Variants in PTPRD observed in about 807,000 individuals in gnomAD.
The protein encoded by PTPRD is protein tyrosine phosphatase receptor type D.
Under a neutral mutation model 214.5 loss-of-function variants are expected in PTPRD, and 34 were observed. The observed-to-expected ratio is 0.16, with a 90% CI of 0.12 to 0.21. The LOEUF is 0.21. Ranked by LOEUF, PTPRD falls within the 10% of genes least tolerant of loss-of-function variation. The pLI, the probability that PTPRD is intolerant of heterozygous loss-of-function variation, is 1.00. For missense variants in PTPRD, 2,545 were observed against 2,398.7 expected (o/e 1.06, Z -1.27); for synonymous variants, 1,128 against 845.7 (o/e 1.33, Z -5.79).
At chr9:8,843,904 T>C (rs2097626842) in intron 11 of PTPRD, among the ~76,000 whole-genome samples, 1 of 152,154 alleles carries the variant, frequency 6.6e-6, no homozygotes, top group Non-Finnish European at 1.5e-5. Context: ...TTTGGGATCT[T>C]AGGTTCCTCA....
intron 3 of PTPRD, among the ~76,000 whole-genome samples, chr9:10,162,896 G>C (rs964039396): frequency 6.7e-6 from 1 of 150,076 alleles, no homozygotes; most frequent in African/African-American, 2.4e-5. Flanking sequence ...TCTTTAGCCA[G>C]TACTTCAGGG....
At chr9:8,648,408 C>T (rs79019250) in intron 12 of PTPRD, among the ~76,000 whole-genome samples, 1 of 152,292 alleles carries the variant, frequency 6.6e-6, no homozygotes, top group Non-Finnish European at 1.5e-5. Flanking sequence ...GGTTTAGTGA[C>T]ATAAATTTCA....
chr9:9,414,028 G>C (rs1244044155), intron 8 of PTPRD, among the ~76,000 whole-genome samples: 4 of 152,164 alleles, frequency 2.6e-5, no homozygotes, highest in Admixed American at 1.3e-4. Flanking sequence ...TTAGAAATGA[G>C]TATTGCATAG....
intron 35 of PTPRD, among the ~76,000 whole-genome samples, chr9:8,409,891 T>C (rs2093370673): frequency 6.6e-6 from 1 of 152,204 alleles, no homozygotes; most frequent in African/African-American, 2.4e-5. Flanking sequence ...AGACTAACCA[T>C]TCTTTTTACA....
chr9:8,676,755 G>C (rs917018924), intron 12 of PTPRD, among the ~76,000 whole-genome samples: 1 of 152,076 alleles, frequency 6.6e-6, no homozygotes, highest in African/African-American at 2.4e-5. Context: ...TGTATTTTTA[G>C]TAGAGACAGG....
chr9:9,627,914 A>G (rs1339698218), intron 7 of PTPRD, among the ~76,000 whole-genome samples: 1 of 152,164 alleles, frequency 6.6e-6, no homozygotes, highest in African/African-American at 2.4e-5. Context: ...TGTTAGAGAG[A>G]GGGGAGTAAC....
At chr9:8,700,113 T>C (rs1403730463) in intron 12 of PTPRD, among the ~76,000 whole-genome samples, 2 of 152,204 alleles carry the variant, frequency 1.3e-5, no homozygotes, top group Non-Finnish European at 1.5e-5. Flanking sequence ...CCATTTCAAA[T>C]AGTTTGTATT....
intron 7 of PTPRD, among the ~76,000 whole-genome samples, chr9:9,733,968 C>T (rs150690067): frequency 2.0e-3 from 309 of 152,238 alleles, no homozygotes; most frequent in African/African-American, 7.0e-3. Context: ...CCTCCTATCT[C>T]AACCAGTACA....
intron 3 of PTPRD, among the ~76,000 whole-genome samples, chr9:10,077,902 T>A (rs1307384973): frequency 1.3e-5 from 2 of 152,092 alleles, no homozygotes. Flanking sequence ...ATTCTGGTTT[T>A]GGTAATCCAC....
chr9:9,930,480 C>G (rs1215190372), intron 5 of PTPRD, among the ~76,000 whole-genome samples: 4 of 152,064 alleles, frequency 2.6e-5, no homozygotes, highest in Admixed American at 2.0e-4. Flanking sequence ...TTTGAGTTTT[C>G]AAATGTAAAC....
intron 3 of PTPRD, among the ~76,000 whole-genome samples, chr9:10,295,548 T>C (rs2095649989): frequency 6.6e-6 from 1 of 152,090 alleles, no homozygotes; most frequent in African/African-American, 2.4e-5. Context: ...TTCTCTGTGA[T>C]TACACAGCAT....
At chr9:9,058,099 A>G (rs1043867946) in intron 10 of PTPRD, among the ~76,000 whole-genome samples, 4 of 152,158 alleles carry the variant, frequency 2.6e-5, no homozygotes, top group Admixed American at 6.5e-5. Flanking sequence ...TATTTACTTG[A>G]CCATGTTTGG....
chr9:9,170,513 G>T (rs1011041262), intron 10 of PTPRD, among the ~76,000 whole-genome samples: 5 of 152,032 alleles, frequency 3.3e-5, no homozygotes, highest in Non-Finnish European at 7.4e-5. Flanking sequence ...TTACTACCTT[G>T]GTCAGTTCCA....
At chr9:10,564,150 G>GCACCAC (rs1242349658) in intron 2 of PTPRD, among the ~76,000 whole-genome samples, 1 of 91,962 alleles carries the variant, frequency 1.1e-5, no homozygotes, top group Admixed American at 1.3e-4. Context: ...TCGGGAGTGT[G>GCACCAC]CACCACCACA....
At chr9:8,690,405 T>C (rs1386938294) in intron 12 of PTPRD, among the ~76,000 whole-genome samples, 1 of 151,648 alleles carries the variant, frequency 6.6e-6, no homozygotes, top group African/African-American at 2.4e-5. Context: ...TGGGTGCCTG[T>C]AGTCCCAGCT....
chr9:8,686,525 A>C (rs2097684767), intron 12 of PTPRD, among the ~76,000 whole-genome samples: 1 of 152,206 alleles, frequency 6.6e-6, no homozygotes, highest in African/African-American at 2.4e-5. Flanking sequence ...AATAATATAC[A>C]TTGTCACAAC....
rs113634854 is a variant in PTPRD, at chr9:9,878,200, A to G, written c.-368+60307T>C. On this transcript the variant is annotated intron_variant, in intron 5 of 45. Transcript: ENST00000381196. Reference sequence around the variant, plus strand: ...GAAATATACTTAAATACTACACAAAATACCTGAGAAAGTATCACGCAGAAA... The same window carrying G: ...GAAATATACTTAAATACTACACAAAGTACCTGAGAAAGTATCACGCAGAAA... Among the ~76,000 whole-genome samples the G allele has an allele frequency of 2.6e-3, 392 of 152,218 alleles. 1 individual carries two copies. Among genetic ancestry groups the G allele is most frequent in the Non-Finnish European group, 4.5e-3 (309 of 68,020 alleles).
chr9:9,809,065 C>G (rs185516024), intron 5 of PTPRD, among the ~76,000 whole-genome samples: 1 of 151,744 alleles, frequency 6.6e-6, no homozygotes, highest in African/African-American at 2.4e-5. Flanking sequence ...GGATTACAGG[C>G]AGAAGCCTCC....
chr9:10,413,096 T>C lies in PTPRD; in HGVS notation c.-599-72079A>G, dbSNP rs556505246. Among the ~76,000 whole-genome samples the C allele has an allele frequency of 2.2e-4, 33 of 151,954 alleles. No homozygotes were observed. The East Asian group carries it at 5.3e-3, about 24-fold the overall frequency. ...CTCACCACTCCTATTCAACATAGTATTGAAAGTCATAGGAAGAGCAATCAG... is the reference window on the plus strand; with the variant it reads ...CTCACCACTCCTATTCAACATAGTACTGAAAGTCATAGGAAGAGCAATCAG... On this transcript the variant is annotated intron_variant, in intron 2 of 45. Coordinates refer to ENST00000381196, the MANE Select transcript of PTPRD (RefSeq NM_002839.4).
Sources: allele counts gnomAD v4.1 joint callset (sites outside exome capture counted in the v4.1 genomes callset), GRCh38; gene constraint gnomAD v4.1.1; transcripts MANE v1.5; gene names NCBI Gene and HGNC (gene_info 2026-07-23, HGNC 2026-07-21).